PPP1R16B: variants seen among roughly 807,000 people sequenced by gnomAD.
The protein encoded by PPP1R16B is protein phosphatase 1 regulatory subunit 16B.
Under a neutral mutation model 61.7 loss-of-function variants are expected in PPP1R16B, and 14 were observed. The observed-to-expected ratio is 0.23, with a 90% CI of 0.15 to 0.35. The LOEUF (loss-of-function observed/expected upper bound fraction) is 0.35, where lower values mean the gene tolerates loss of function less well. Ranked by LOEUF, PPP1R16B falls within the 10% of genes least tolerant of loss-of-function variation. PPP1R16B has a pLI of 1.00. For synonymous variants in PPP1R16B, 266 were observed against 305.3 expected (o/e 0.87, Z 1.34); for missense variants, 547 against 752.5 (o/e 0.73, Z 3.19).
chr20:38,865,284 T>A (rs1466541788), intron 2 of PPP1R16B, among the ~76,000 whole-genome samples: 1 of 65,814 alleles, frequency 1.5e-5, no homozygotes, highest in Non-Finnish European at 2.7e-5. Context: ...ACTGCTGCAT[T>A]CTTTTTTTTT....
chr20:38,916,940 T>C (rs1278977736), intron 10 of PPP1R16B, among the ~76,000 whole-genome samples: 2 of 151,856 alleles, frequency 1.3e-5, no homozygotes, highest in Admixed American at 1.3e-4. Context: ...TCTATATATT[T>C]TGCTGTGGGC....
chr20:38,906,961 C>T lies in PPP1R16B; in HGVS notation c.823-18C>T. On this transcript the variant is annotated intron_variant, in intron 7 of 10. Transcript: ENST00000299824. ...AGCTCTGGGCAGGGGGACACATGAG[C>T]TTCTTCCTGTGTTTCAGATGCAGAT... 6.2e-7 allele frequency: 1 copy of T among 1,608,826 alleles called. No homozygotes were observed. Among genetic ancestry groups the T allele is most frequent in the Non-Finnish European group, 8.5e-7 (1 of 1,175,190 alleles).
chr20:38,910,640 C>T (rs191520660), intron 10 of PPP1R16B, among the ~76,000 whole-genome samples: 600 of 151,142 alleles, frequency 4.0e-3, no homozygotes, highest in Non-Finnish European at 6.7e-3. Context: ...ATCAAGCGAT[C>T]CTCCCACCTC....
chr20:38,916,333 ATAAATACATATATATGTTATATG>A (rs1365903625), intron 10 of PPP1R16B, among the ~76,000 whole-genome samples: 1 of 148,318 alleles, frequency 6.7e-6, no homozygotes, highest in Non-Finnish European at 1.5e-5. Context: ...TATGTTATAT[ATAAATACATATATATGTTATATG>A]TACATATATG....
At chr20:38,855,691 C>T (rs2084999090) in intron 2 of PPP1R16B, among the ~76,000 whole-genome samples, 2 of 151,666 alleles carry the variant, frequency 1.3e-5, no homozygotes, top group African/African-American at 4.9e-5. Flanking sequence ...GCCTGAGCAG[C>T]ACATTTGGAG....
chr20:38,881,007 G>A (rs1037881625), intron 2 of PPP1R16B, among the ~76,000 whole-genome samples: 5 of 152,172 alleles, frequency 3.3e-5, no homozygotes, highest in Non-Finnish European at 7.3e-5. Context: ...GGCCAAGAGT[G>A]ATACTTTCTA....
chr20:38,854,414 G>A (rs1489834943), intron 2 of PPP1R16B, among the ~76,000 whole-genome samples: 1 of 152,224 alleles, frequency 6.6e-6, no homozygotes, highest in Non-Finnish European at 1.5e-5. Context: ...CTGGATTGAT[G>A]TTGTAACAGA....
At chr20:38,886,588 G>T (rs1374637063) in intron 2 of PPP1R16B, among the ~76,000 whole-genome samples, 1 of 152,234 alleles carries the variant, frequency 6.6e-6, no homozygotes, top group Non-Finnish European at 1.5e-5. Flanking sequence ...CTCACCCGTG[G>T]GCAGGTTGGG....
chr20:38,822,813 G>T (rs2084781413), intron 1 of PPP1R16B, among the ~76,000 whole-genome samples: 1 of 152,182 alleles, frequency 6.6e-6, no homozygotes, highest in Admixed American at 6.5e-5. Context: ...GAAACAGAGT[G>T]TTCAGGAATT....
At chr20:38,883,670 G>A (rs1048354956) in intron 2 of PPP1R16B, among the ~76,000 whole-genome samples, 3 of 152,240 alleles carry the variant, frequency 2.0e-5, no homozygotes, top group African/African-American at 7.2e-5. Context: ...CTCCCTGGAG[G>A]GAGACTGCCT....
Position 38,908,132 on chromosome 20 carries a change from G to T in PPP1R16B, c.1133G>T (p.Arg378Leu). The change falls in exon 10 of 11, where the codon CGG (arginine) becomes CTG (leucine). Residue 378 changes from arginine (R) to leucine (L), a missense_variant. Coordinates refer to ENST00000299824, the MANE Select transcript of PPP1R16B (RefSeq NM_015568.4). ...LWQRSAAEDQ[R>L]TSTYNGDIRE... ...CAGCGGAGTGCAGCTGAGGATCAGC[G>T]GACCTCCACCTACAACGGGGACATC... is the stretch of plus-strand genomic sequence containing the variant. The T allele has an allele frequency of 6.2e-7, 1 of 1,614,224 alleles. No individual in the cohort carries two copies.
intron 1 of PPP1R16B, among the ~76,000 whole-genome samples, chr20:38,825,913 T>C (rs2084802794): frequency 6.6e-6 from 1 of 152,200 alleles, no homozygotes; most frequent in Non-Finnish European, 1.5e-5. Context: ...GCTTTGCTAA[T>C]TGATCACAAC....
intron 1 of PPP1R16B, among the ~76,000 whole-genome samples, chr20:38,828,177 G>A (rs1428116466): frequency 2.0e-5 from 3 of 152,158 alleles, no homozygotes; most frequent in Admixed American, 6.5e-5. Flanking sequence ...TGTGTCAACC[G>A]ACTGCTCCCC....
chr20:38,918,886 G>T lies in PPP1R16B; in HGVS notation c.*220G>T. On this transcript the variant is annotated 3_prime_UTR_variant, in exon 11 of 11. Transcript: ENST00000299824. The surrounding 1 kb of genome is among the most constrained non-coding windows in gnomAD (Gnocchi z 5.3). Reference sequence around the variant, plus strand: ...TGCATCGTCTGCCATCTGACACAAGGCCTGTCGTGGCCTCCTGGTTCACTC... The same window carrying T: ...TGCATCGTCTGCCATCTGACACAAGTCCTGTCGTGGCCTCCTGGTTCACTC... The T allele has an allele frequency of 2.1e-6, 1 of 483,086 alleles. No homozygotes were observed. The highest frequency in any genetic ancestry group is 3.4e-5 in the East Asian group (1 of 29,360). The allele number at this position is 483,086 out of a possible 1,614,324, so 29.9% of individuals were successfully genotyped here. A position where few individuals can be genotyped will look rare whatever the true frequency, so the allele number is the denominator to read the frequency against.
At chr20:38,890,898 A>G (rs985617898) in intron 3 of PPP1R16B, among the ~76,000 whole-genome samples, 2 of 152,168 alleles carry the variant, frequency 1.3e-5, no homozygotes, top group African/African-American at 4.8e-5. Context: ...CCCTGCCCGT[A>G]AGCCCCAGGG....
At chr20:38,832,326 C>G (rs936026700) in intron 1 of PPP1R16B, among the ~76,000 whole-genome samples, 3 of 152,078 alleles carry the variant, frequency 2.0e-5, no homozygotes, top group Admixed American at 2.0e-4. Context: ...AATCAGGGCT[C>G]GTCACAGAGC....
At chr20:38,817,095 T>C (rs376327983) in intron 1 of PPP1R16B, among the ~76,000 whole-genome samples, 12 of 152,184 alleles carry the variant, frequency 7.9e-5, no homozygotes, top group African/African-American at 2.9e-4. Context: ...AGGTGAACAA[T>C]ACATATCCCT....
chr20:38,812,609 A>G (rs1448036334), intron 1 of PPP1R16B, among the ~76,000 whole-genome samples: 1 of 152,200 alleles, frequency 6.6e-6, no homozygotes, highest in African/African-American at 2.4e-5. Context: ...GGAATTATAG[A>G]GGCCAGAGGT....
intron 10 of PPP1R16B, among the ~76,000 whole-genome samples, chr20:38,912,675 TA>T (rs1013400497): frequency 1.8e-4 from 27 of 147,566 alleles, no homozygotes; most frequent in African/African-American, 2.5e-4. Context: ...GCGTGGTCTC[TA>T]AAAAAAAAAT....
Sources: allele counts gnomAD v4.1 joint callset (sites outside exome capture counted in the v4.1 genomes callset), GRCh38; gene constraint gnomAD v4.1.1; non-coding constraint Gnocchi (gnomAD v3.1); transcripts MANE v1.5; gene names NCBI Gene and HGNC (gene_info 2026-07-23, HGNC 2026-07-21).